MEIS1: variants seen among roughly 807,000 people sequenced by gnomAD.
MEIS1 encodes the protein homeobox protein Meis1.
Under a neutral mutation model 50.8 loss-of-function variants are expected in MEIS1, and 5 were observed. The ratio of observed to expected loss-of-function variants is 0.10; its 90% confidence interval spans 0.05 to 0.21. The LOEUF is 0.21. Among genes scored for constraint, MEIS1 ranks in the 10% least tolerant of loss-of-function variants. MEIS1 has a pLI of 1.00. For synonymous variants in MEIS1, 176 were observed against 179.3 expected (o/e 0.98, Z 0.15); for missense variants, 318 against 517.3 (o/e 0.61, Z 3.74).
At chr2:66,506,659 CA>C (rs1673691397) in intron 7 of MEIS1, among the ~76,000 whole-genome samples, 1 of 152,174 alleles carries the variant, frequency 6.6e-6, no homozygotes, top group South Asian at 2.1e-4. Flanking sequence ...ATCATTCTGG[CA>C]GCTATTATAT....
chr2:66,555,830 T>G (rs1407486794), intron 9 of MEIS1, among the ~76,000 whole-genome samples: 1 of 152,100 alleles, frequency 6.6e-6, no homozygotes, highest in East Asian at 1.9e-4. Context: ...CCTGAAATAT[T>G]AAAAAATGGG....
In MEIS1 at chr2:66,571,275, G is replaced by T. The variant is rs751724594; in HGVS notation, c.*67G>T. On this transcript the variant is annotated 3_prime_UTR_variant, in exon 13 of 13. Coordinates refer to ENST00000272369, the MANE Select transcript of MEIS1 (RefSeq NM_002398.3). The stretch of plus-strand genomic sequence containing the variant: ...GCAAAGTATGCCAGGGGAGTATGTA[G>T]CCCGGGGTGGTCCAATGGGTGTGAG... The T allele has an allele frequency of 5.0e-6, 8 of 1,594,150 alleles. No homozygotes were observed. Among genetic ancestry groups the T allele is most frequent in the Non-Finnish European group, 5.1e-6 (6 of 1,170,240 alleles).
At chr2:66,487,186 A>G (rs1673163546) in intron 7 of MEIS1, among the ~76,000 whole-genome samples, 1 of 152,212 alleles carries the variant, frequency 6.6e-6, no homozygotes, top group South Asian at 2.1e-4. Context: ...AGATTTGTGA[A>G]GCATTGCATT....
At chr2:66,503,192 G>T (rs1223688371) in intron 7 of MEIS1, among the ~76,000 whole-genome samples, 1 of 152,138 alleles carries the variant, frequency 6.6e-6, no homozygotes, top group Non-Finnish European at 1.5e-5. Flanking sequence ...GCACGCAATG[G>T]AGAGGACACT....
rs1169626212 is a variant in MEIS1 at position 66,440,620 on chromosome 2, C to T, written c.432+8C>T. 1.2e-6 allele frequency: 2 copies of T among 1,605,722 alleles called. No homozygotes were observed. The highest frequency in any genetic ancestry group is 1.7e-6 in the Non-Finnish European group (2 of 1,175,074). On this transcript the variant is annotated splice_region_variant and intron_variant, in intron 4 of 12. Coordinates refer to ENST00000272369, the MANE Select transcript of MEIS1 (RefSeq NM_002398.3). Reference sequence around the variant, plus strand: ...CCAGAACTGGATAACTTGGTAAGAGCGGACCCCTATTTCCCTCCCCCGCCC... The same window carrying T: ...CCAGAACTGGATAACTTGGTAAGAGTGGACCCCTATTTCCCTCCCCCGCCC...
intron 7 of MEIS1, among the ~76,000 whole-genome samples, chr2:66,481,859 T>C (rs1673023708): frequency 6.9e-6 from 1 of 145,698 alleles, no homozygotes; most frequent in African/African-American, 2.5e-5. Flanking sequence ...TCTTTTTTTT[T>C]TTTTTTTTTT....
chr2:66,544,538 A>C (rs1674741981), intron 8 of MEIS1, among the ~76,000 whole-genome samples: 1 of 152,136 alleles, frequency 6.6e-6, no homozygotes, highest in East Asian at 1.9e-4. Flanking sequence ...CCTACCATAG[A>C]CAAGGGTTTA....
In MEIS1 at chr2:66,571,356, C is replaced by A; in HGVS notation, c.*148C>A. 1 of 1,600,882 alleles carries A rather than the reference C, an allele frequency of 6.2e-7. No individual in the cohort carries two copies. Among genetic ancestry groups the A allele is most frequent in the South Asian group, 1.1e-5 (1 of 89,778 alleles). On this transcript the variant is annotated 3_prime_UTR_variant, in exon 13 of 13. Transcript: ENST00000272369. ...GATGCCCCCCCATCCTGCTCAGCTG[C>A]GTCATGGGCCCCCCATGCATACGTA...
At chr2:66,484,987 A>AT (rs970740598) in intron 7 of MEIS1, among the ~76,000 whole-genome samples, 1 of 151,868 alleles carries the variant, frequency 6.6e-6, no homozygotes, top group Admixed American at 6.6e-5. Flanking sequence ...ATAGGACGAG[A>AT]TTTTTTTTGG....
At chr2:66,454,933 T>A (rs1672354714) in intron 6 of MEIS1, 1 of 152,146 alleles carries the variant, frequency 6.6e-6, no homozygotes, top group South Asian at 2.1e-4. Flanking sequence ...TATTTGGAAA[T>A]ATAGTGGTAT....
At chr2:66,466,610 GC>G (rs1444198570) in intron 7 of MEIS1, among the ~76,000 whole-genome samples, 2 of 152,160 alleles carry the variant, frequency 1.3e-5, no homozygotes, top group African/African-American at 2.4e-5. Flanking sequence ...TTCCCTGTTT[GC>G]CTTTTCTGGC....
intron 7 of MEIS1, among the ~76,000 whole-genome samples, chr2:66,491,825 A>G (rs1322191029): frequency 6.6e-6 from 1 of 151,930 alleles, no homozygotes; most frequent in Non-Finnish European, 1.5e-5. Flanking sequence ...GAGACAGTTG[A>G]TTTGGGTCCC....
intron 6 of MEIS1, among the ~76,000 whole-genome samples, chr2:66,456,398 A>G (rs376531379): frequency 4.4e-4 from 67 of 152,312 alleles, no homozygotes; most frequent in South Asian, 1.9e-3. Context: ...TGCAAGACGT[A>G]AGAGATGATT....
At chr2:66,457,050 T>C (rs1449247491) in intron 6 of MEIS1, among the ~76,000 whole-genome samples, 3 of 151,432 alleles carry the variant, frequency 2.0e-5, no homozygotes, top group African/African-American at 7.3e-5. Flanking sequence ...AACATCTAAA[T>C]GCTCAAAAGG....
At chr2:66,445,726 G>C (rs1397696324) in intron 6 of MEIS1, among the ~76,000 whole-genome samples, 1 of 152,168 alleles carries the variant, frequency 6.6e-6, no homozygotes, top group Non-Finnish European at 1.5e-5. Context: ...ACCTGGGATC[G>C]ACGACTTTGA....
At chr2:66,488,455 G>A (rs995505739) in intron 7 of MEIS1, among the ~76,000 whole-genome samples, 3 of 152,060 alleles carry the variant, frequency 2.0e-5, no homozygotes, top group African/African-American at 7.2e-5. Flanking sequence ...GAGGCAGGCG[G>A]ATCACAAGGT....
At chr2:66,553,171 T>C (rs1402622092) in intron 9 of MEIS1, among the ~76,000 whole-genome samples, 4 of 152,216 alleles carry the variant, frequency 2.6e-5, no homozygotes, top group Non-Finnish European at 5.9e-5. Context: ...TGGAACAGCT[T>C]CACACATAGA....
intron 7 of MEIS1, among the ~76,000 whole-genome samples, chr2:66,496,559 A>T (rs75450284): frequency 0.011 from 1,654 of 152,024 alleles, 32 homozygotes; most frequent in African/African-American, 0.038. Flanking sequence ...ATACTTGAAA[A>T]CCATTTGCGT....
chr2:66,540,283 T>C (rs1283750970), intron 8 of MEIS1, among the ~76,000 whole-genome samples: 2 of 152,202 alleles, frequency 1.3e-5, no homozygotes, highest in Non-Finnish European at 2.9e-5. Flanking sequence ...GTTTTCTCCC[T>C]TATCTACTCC....
Sources: gnomAD v4.1 joint callset for allele counts (sites outside exome capture counted in the v4.1 genomes callset) on GRCh38, gnomAD v4.1.1 for gene constraint, MANE v1.5 for transcripts, NCBI Gene and HGNC (gene_info 2026-07-23, HGNC 2026-07-21) for gene names.